Variants in CNOT4 observed in about 807,000 individuals in gnomAD.
CNOT4 encodes CCR4-NOT transcription complex subunit 4.
In CNOT4, 8 loss-of-function variants were observed where a neutral mutation model predicts 73.8. That is an observed-to-expected ratio of 0.11 (90% CI 0.06 to 0.20). The LOEUF (loss-of-function observed/expected upper bound fraction) is 0.20. Among genes scored for constraint, CNOT4 ranks in the 10% least tolerant of loss-of-function variants. CNOT4 has a pLI of 1.00. For missense variants in CNOT4, 564 were observed against 883.4 expected, an observed-to-expected ratio of 0.64 and a Z score of 4.58; for synonymous variants, 293 against 321.1, an observed-to-expected ratio of 0.91 and a Z score of 0.94.
intron 10 of CNOT4, among the ~76,000 whole-genome samples, chr7:135,392,162 T>C (rs1796436276): frequency 6.6e-6 from 1 of 152,130 alleles, no homozygotes; most frequent in African/African-American, 2.4e-5. Flanking sequence ...ACTTATTCAA[T>C]GAAGCCTCCC....
chr7:135,505,123 G>A (rs1451558070), intron 1 of CNOT4, among the ~76,000 whole-genome samples: 1 of 152,044 alleles, frequency 6.6e-6, no homozygotes, highest in Non-Finnish European at 1.5e-5. Context: ...AGTTGTTTTT[G>A]AACAGTTATC....
intron 7 of CNOT4, among the ~76,000 whole-genome samples, chr7:135,410,269 A>G (rs1797522242): frequency 6.6e-6 from 1 of 152,156 alleles, no homozygotes; most frequent in African/African-American, 2.4e-5. Flanking sequence ...CTGGGCTCAG[A>G]GTAGTCTGCA....
At chr7:135,504,484 T>TTATTTTTA (rs1554447779) in intron 1 of CNOT4, among the ~76,000 whole-genome samples, 1 of 67,032 alleles carries the variant, frequency 1.5e-5, no homozygotes, top group Non-Finnish European at 2.8e-5. Context: ...TTTTTTTTTT[T>TTATTTTTA]TTTTTATTTT....
chr7:135,398,277 CA>C (rs1563025578), intron 7 of CNOT4, 51 bp from the exon 8 acceptor site: 1 of 906,898 alleles, frequency 1.1e-6, no homozygotes, highest in Non-Finnish European at 1.8e-6. Context: ...CATTCTCCTA[CA>C]ATAAAAACAA....
At chr7:135,473,368 A>C (rs1801764070) in intron 1 of CNOT4, among the ~76,000 whole-genome samples, 1 of 151,974 alleles carries the variant, frequency 6.6e-6, no homozygotes, top group Non-Finnish European at 1.5e-5. Flanking sequence ...TAAATAAAAC[A>C]AAAAAAATAA....
rs1794683199 is a variant in CNOT4 at position 135,362,244 on chromosome 7, ACTCT to A, written c.*637_*640del. On this transcript the variant is annotated 3_prime_UTR_variant, in exon 12 of 12. Transcript: ENST00000541284. ...AAAATTACTTCTCACCTCCTTATGA[ACTCT>A]TTAGCAATCGGCCAGTTACTACTAC... 1 of 153,366 alleles carries A rather than the reference ACTCT, an allele frequency of 6.5e-6. No individual in the cohort carries two copies. Among genetic ancestry groups the A allele is most frequent in the Non-Finnish European group, 1.5e-5 (1 of 68,932 alleles). The allele number at this position is 153,366 out of a possible 1,614,324, so 9.5% of individuals were successfully genotyped here.
intron 1 of CNOT4, among the ~76,000 whole-genome samples, chr7:135,443,888 C>A (rs1341232427): frequency 3.9e-5 from 6 of 152,164 alleles, no homozygotes; most frequent in African/African-American, 1.2e-4. Flanking sequence ...ATGGCTCACA[C>A]TCACAGTCCT....
At chr7:135,385,572 CTAAGAG>C (rs3045342) in intron 10 of CNOT4, among the ~76,000 whole-genome samples, 3,127 of 152,236 alleles carry the variant, frequency 0.021, 115 homozygotes, top group East Asian at 0.1. Flanking sequence ...TCCCAGGATG[CTAAGAG>C]TAAGAGACAT....
intron 2 of CNOT4, among the ~76,000 whole-genome samples, chr7:135,437,631 G>A (rs1276461834): frequency 6.6e-6 from 1 of 152,118 alleles, no homozygotes; most frequent in Non-Finnish European, 1.5e-5. Context: ...AGTGTAAAAT[G>A]GGAATATCAA....
intron 10 of CNOT4, among the ~76,000 whole-genome samples, chr7:135,366,366 C>T (rs1482400274): frequency 3.9e-5 from 6 of 152,028 alleles, no homozygotes; most frequent in Admixed American, 6.6e-5. Flanking sequence ...GACAATTCTC[C>T]GTACTTCCCA....
intron 10 of CNOT4, chr7:135,388,448 A>G (rs1042654463): frequency 1.0e-6 from 1 of 986,140 alleles, no homozygotes; most frequent in Non-Finnish European, 1.2e-6. Context: ...AAAACAAGAT[A>G]CTACCATTAC....
intron 1 of CNOT4, among the ~76,000 whole-genome samples, chr7:135,508,151 A>C (rs1804495519): frequency 6.6e-6 from 1 of 152,218 alleles, no homozygotes. Flanking sequence ...AAACATTTTT[A>C]CATATATCTT....
intron 1 of CNOT4, among the ~76,000 whole-genome samples, chr7:135,501,548 T>G (rs1355312365): frequency 1.3e-5 from 2 of 152,160 alleles, no homozygotes; most frequent in Admixed American, 1.3e-4. Context: ...GTCTCTAATT[T>G]TTCAAACAAA....
intron 1 of CNOT4, among the ~76,000 whole-genome samples, chr7:135,482,302 T>C (rs1802433195): frequency 6.6e-6 from 1 of 152,144 alleles, no homozygotes; most frequent in African/African-American, 2.4e-5. Flanking sequence ...ATGCCTGTAA[T>C]CCCAGCACTT....
chr7:135,498,350 A>G (rs1803730148), intron 1 of CNOT4, among the ~76,000 whole-genome samples: 1 of 152,218 alleles, frequency 6.6e-6, no homozygotes, highest in Non-Finnish European at 1.5e-5. Flanking sequence ...AAAAACCACA[A>G]TCTACAAACA....
chr7:135,389,180 A>G (rs1796274743), intron 10 of CNOT4, among the ~76,000 whole-genome samples: 1 of 113,950 alleles, frequency 8.8e-6, no homozygotes, highest in Non-Finnish European at 1.9e-5. Context: ...AAAAAAAAAG[A>G]CCAGGAAAGC....
chr7:135,422,123 T>C, intron 3 of CNOT4, 33 bp downstream of exon 3: 1 of 1,335,876 alleles, frequency 7.5e-7, no homozygotes, highest in Admixed American at 1.8e-5. Context: ...AAACAAAAAA[T>C]ATCAAGATGA....
At chr7:135,482,122 A>C (rs1451149945) in intron 1 of CNOT4, among the ~76,000 whole-genome samples, 2 of 152,234 alleles carry the variant, frequency 1.3e-5, no homozygotes, top group Admixed American at 1.3e-4. Flanking sequence ...TAAATATTAA[A>C]GGTGATAGAT....
chr7:135,489,696 G>A (rs570139467), intron 1 of CNOT4, among the ~76,000 whole-genome samples: 35 of 152,120 alleles, frequency 2.3e-4, no homozygotes, highest in Non-Finnish European at 2.6e-4. Context: ...GCGCCTGGCC[G>A]ACTAGCCACA....
Sources: gnomAD v4.1 joint callset for allele counts (sites outside exome capture counted in the v4.1 genomes callset) on GRCh38, gnomAD v4.1.1 for gene constraint, MANE v1.5 for transcripts, NCBI Gene and HGNC (gene_info 2026-07-23, HGNC 2026-07-21) for gene names.